Variants in TMEM132C observed in about 807,000 individuals in gnomAD.
The protein encoded by TMEM132C is transmembrane protein 132C.
In TMEM132C, 29 loss-of-function variants were observed where a neutral mutation model predicts 61.4. The ratio of observed to expected loss-of-function variants is 0.47; its 90% CI spans 0.35 to 0.64. The LOEUF (loss-of-function observed/expected upper bound fraction) is 0.64, where lower values mean the gene tolerates loss of function less well. Among genes scored for constraint, TMEM132C ranks in the 30% least tolerant of loss-of-function variants. The pLI is 0.00. For missense variants in TMEM132C, 1,408 were observed against 1,476.9 expected (o/e 0.95, Z 0.76); for synonymous variants, 656 against 633.1 (o/e 1.04, Z -0.54).
chr12:128,423,716 G>T, intron 2 of TMEM132C, among the ~76,000 whole-genome samples: 1 of 151,094 alleles, frequency 6.6e-6, no homozygotes, highest in East Asian at 2.0e-4. Flanking sequence ...AAAAAAAAGA[G>T]AAAAGTGGAT....
intron 1 of TMEM132C, among the ~76,000 whole-genome samples, chr12:128,363,845 G>GAAAAAA (rs528314942): frequency 9.9e-6 from 1 of 101,392 alleles, no homozygotes; most frequent in Admixed American, 1.1e-4. Flanking sequence ...ACTCTGTCTC[G>GAAAAAA]AAAAAAAAAA....
chr12:128,377,700 A>G (rs1874241538), intron 1 of TMEM132C, among the ~76,000 whole-genome samples: 1 of 152,226 alleles, frequency 6.6e-6, no homozygotes, highest in Non-Finnish European at 1.5e-5. Flanking sequence ...GACACACCCC[A>G]GCATGTTTGT....
chr12:128,497,955 G>A (rs1010435765), intron 2 of TMEM132C, among the ~76,000 whole-genome samples: 7 of 151,954 alleles, frequency 4.6e-5, no homozygotes, highest in African/African-American at 9.7e-5. Context: ...GTTCCTATTC[G>A]GCCATCTTGG....
chr12:128,605,934 T>G (rs1876408948), intron 3 of TMEM132C, among the ~76,000 whole-genome samples: 1 of 152,206 alleles, frequency 6.6e-6, no homozygotes, highest in South Asian at 2.1e-4. Flanking sequence ...TTTGAAAGAT[T>G]CATCATTTTT....
intron 1 of TMEM132C, among the ~76,000 whole-genome samples, chr12:128,380,762 T>C (rs1874375466): frequency 6.6e-6 from 1 of 152,130 alleles, no homozygotes; most frequent in South Asian, 2.1e-4. Flanking sequence ...AAAAGAGTGT[T>C]TTAAGGGAAG....
intron 4 of TMEM132C, among the ~76,000 whole-genome samples, chr12:128,639,159 ATGG>A (rs753671025): frequency 4.9e-5 from 7 of 142,730 alleles, no homozygotes; most frequent in African/African-American, 1.3e-4. Context: ...GATGATGGTG[ATGG>A]TGGTGATGGT....
intron 5 of TMEM132C, among the ~76,000 whole-genome samples, chr12:128,677,810 C>T (rs1234261919): frequency 6.6e-6 from 1 of 152,200 alleles, no homozygotes; most frequent in African/African-American, 2.4e-5. Context: ...GTCTGACCTC[C>T]AGGGCACGAT....
intron 3 of TMEM132C, among the ~76,000 whole-genome samples, chr12:128,607,301 G>A (rs1876463795): frequency 6.6e-6 from 1 of 152,174 alleles, no homozygotes; most frequent in African/African-American, 2.4e-5. Context: ...AGGGGTGAGG[G>A]TGGGTGGCAC....
chr12:128,694,912 A>G (rs1194819254), intron 6 of TMEM132C, among the ~76,000 whole-genome samples: 1 of 152,218 alleles, frequency 6.6e-6, no homozygotes, highest in African/African-American at 2.4e-5. Context: ...TCTGCCACTA[A>G]TTAGCTTTGT....
chr12:128,685,427 T>C (rs1954665951), intron 5 of TMEM132C, among the ~76,000 whole-genome samples: 1 of 152,356 alleles, frequency 6.6e-6, no homozygotes, highest in South Asian at 2.1e-4. Flanking sequence ...GGGTTTGGCC[T>C]GTCGCTGCCA....
chr12:128,363,344 T>A (rs1375603929), intron 1 of TMEM132C, among the ~76,000 whole-genome samples: 1 of 152,258 alleles, frequency 6.6e-6, no homozygotes, highest in Admixed American at 6.5e-5. Flanking sequence ...TTTTACTTTC[T>A]GTTTGAAGTG....
intron 1 of TMEM132C, among the ~76,000 whole-genome samples, chr12:128,334,744 C>T (rs546424520): frequency 5.3e-5 from 8 of 152,026 alleles, no homozygotes; most frequent in East Asian, 3.9e-4. Flanking sequence ...TACAGGTGCC[C>T]GCCACCATGC....
intron 2 of TMEM132C, among the ~76,000 whole-genome samples, chr12:128,482,907 G>A (rs1275508265): frequency 6.6e-6 from 1 of 151,948 alleles, no homozygotes; most frequent in Non-Finnish European, 1.5e-5. Context: ...AGATGGGTGT[G>A]TATGTGAACA....
At chr12:128,572,532 C>T (rs527415500) in intron 3 of TMEM132C, among the ~76,000 whole-genome samples, 120 of 151,670 alleles carry the variant, frequency 7.9e-4, no homozygotes, top group African/African-American at 2.8e-3. Context: ...CTCTGATTGG[C>T]CGGGCCTGGG....
intron 2 of TMEM132C, among the ~76,000 whole-genome samples, chr12:128,529,006 T>C (rs1218071983): frequency 6.6e-6 from 1 of 152,172 alleles, no homozygotes; most frequent in Non-Finnish European, 1.5e-5. Context: ...ATGGTGCATC[T>C]CACAGTCATT....
Position 128,393,505 on chromosome 12 carries a change from G to A in TMEM132C, c.86-21227G>A, listed in dbSNP as rs551122016. Among the ~76,000 whole-genome samples the A allele has an allele frequency of 1.4e-4, 22 of 152,290 alleles. 1 individual carries two copies. In the South Asian group the frequency reaches 1.7e-3, roughly 11 times the overall value. On this transcript the variant is annotated intron_variant, in intron 1 of 8. Coordinates refer to ENST00000435159, the MANE Select transcript of TMEM132C (RefSeq NM_001136103.3). ...AATCAATTTTGTCTTTGATAGCACCGTGTTTGGCAGGAGGTTATATTCCAA... is the reference window on the plus strand; with the variant it reads ...AATCAATTTTGTCTTTGATAGCACCATGTTTGGCAGGAGGTTATATTCCAA...
chr12:128,655,812 T>A (rs78081290), intron 4 of TMEM132C, among the ~76,000 whole-genome samples: 2,853 of 152,192 alleles, frequency 0.019, 86 homozygotes, highest in African/African-American at 0.066. Flanking sequence ...CGGAATTTGT[T>A]GTAACGCATT....
chr12:128,420,885 C>G (rs1868964100), intron 2 of TMEM132C, among the ~76,000 whole-genome samples: 1 of 152,066 alleles, frequency 6.6e-6, no homozygotes, highest in Non-Finnish European at 1.5e-5. Flanking sequence ...TACTTAAAAT[C>G]ATCGTTTTAA....
chr12:128,626,547 C>T (rs566041578), intron 4 of TMEM132C, among the ~76,000 whole-genome samples: 13 of 151,402 alleles, frequency 8.6e-5, no homozygotes, highest in African/African-American at 2.9e-4. Flanking sequence ...TGGGTTCAAG[C>T]GATTCTCGTG....
Sources: allele counts gnomAD v4.1 joint callset (sites outside exome capture counted in the v4.1 genomes callset), GRCh38; gene constraint gnomAD v4.1.1; transcripts MANE v1.5; gene names NCBI Gene and HGNC (gene_info 2026-07-23, HGNC 2026-07-21).